Variants in COL14A1 observed in about 807,000 individuals in gnomAD.
COL14A1 encodes the protein collagen alpha-1(XIV) chain.
In COL14A1, 136 loss-of-function variants were observed where a neutral mutation model predicts 230.3. That is an observed-to-expected ratio of 0.59 (90% CI 0.51 to 0.68). COL14A1 has a LOEUF of 0.68. Ranked by LOEUF, COL14A1 falls within the 30% of genes least tolerant of loss-of-function variation. The pLI is 0.00. For missense variants in COL14A1, 1,976 were observed against 2,215.8 expected (o/e 0.89, Z 2.17); for synonymous variants, 792 against 784.1 (o/e 1.01, Z -0.17).
chr8:120,199,340 G>A, intron 7 of COL14A1, 62 bp from the exon 8 acceptor site: 1 of 1,433,026 alleles, frequency 7.0e-7, no homozygotes, highest in Non-Finnish European at 9.2e-7. Context: ...GTTATATCTT[G>A]AAGAATTAGG....
intron 27 of COL14A1, 97 bp downstream of exon 27, chr8:120,278,331 AT>A (rs879087891): frequency 2.4e-4 from 360 of 1,477,626 alleles, no homozygotes; most frequent in Admixed American, 2.3e-3. Flanking sequence ...TTTTTTAAAG[AT>A]TTTTTTTTTC....
At chr8:120,279,292 G>T (rs1465747954) in intron 28 of COL14A1, among the ~76,000 whole-genome samples, 3 of 151,848 alleles carry the variant, frequency 2.0e-5, no homozygotes, top group Non-Finnish European at 4.4e-5. Context: ...TTCAGCACGT[G>T]TATCCCAGAA....
At chr8:120,172,902 A>C (rs188334748) in intron 5 of COL14A1, among the ~76,000 whole-genome samples, 3 of 152,248 alleles carry the variant, frequency 2.0e-5, no homozygotes, top group Non-Finnish European at 4.4e-5. Context: ...TTGATTGATA[A>C]ATTTCTGGTT....
At chr8:120,240,587 A>T (rs1818581121) in intron 19 of COL14A1, among the ~76,000 whole-genome samples, 1 of 152,208 alleles carries the variant, frequency 6.6e-6, no homozygotes, top group African/African-American at 2.4e-5. Flanking sequence ...ATGTGTCAAG[A>T]TAAGAGGAAT....
chr8:120,354,429 C>G (rs1425922926), intron 45 of COL14A1, among the ~76,000 whole-genome samples: 2 of 147,714 alleles, frequency 1.4e-5, no homozygotes, highest in Non-Finnish European at 3.0e-5. Flanking sequence ...TATCCCCATA[C>G]AATGTCTTTG....
chr8:120,225,373 A>G (rs1818063245), intron 15 of COL14A1, among the ~76,000 whole-genome samples, 159 bp downstream of exon 15: 1 of 152,166 alleles, frequency 6.6e-6, no homozygotes. Flanking sequence ...GATGACTATT[A>G]TGTGTAGTGG....
At chr8:120,146,737 G>A (rs73704243) in intron 1 of COL14A1, among the ~76,000 whole-genome samples, 1,730 of 152,014 alleles carry the variant, frequency 0.011, 28 homozygotes, top group African/African-American at 0.037. Flanking sequence ...ATTTGGCACC[G>A]TTATCTGATC....
At chr8:120,251,443 A>G (rs1258765808) in intron 22 of COL14A1, among the ~76,000 whole-genome samples, 2 of 152,190 alleles carry the variant, frequency 1.3e-5, no homozygotes, top group Admixed American at 6.5e-5. Flanking sequence ...TATGCCATCC[A>G]TCAAAAGTAC....
In COL14A1 at chr8:120,332,552, G is replaced by A. The variant is rs541179169; in HGVS notation, c.4714-112G>A. ...AACAGGAATGAGGTCCTGGTGATGAGGGGGAGGGAAGCTATCATGGTGTGT... is the reference window on the plus strand; with the variant it reads ...AACAGGAATGAGGTCCTGGTGATGAAGGGGAGGGAAGCTATCATGGTGTGT... On this transcript the variant is annotated intron_variant, in intron 41 of 47. Coordinates refer to ENST00000297848, the MANE Select transcript of COL14A1 (RefSeq NM_021110.4). 1.3e-5 allele frequency: 11 copies of A among 870,644 alleles called. No homozygotes were observed. The East Asian group carries it at 2.1e-4, about 17-fold the overall frequency. 53.9% of individuals were successfully genotyped at this position (870,644 alleles called of 1,614,324 possible). A position where few individuals can be genotyped will look rare whatever the true frequency, so the allele number is the denominator to read the frequency against.
intron 23 of COL14A1, among the ~76,000 whole-genome samples, chr8:120,256,324 A>T (rs188950119): frequency 6.6e-6 from 1 of 152,230 alleles, no homozygotes; most frequent in Admixed American, 6.5e-5. Context: ...GACTATAGCT[A>T]TATTCAAAAT....
At chr8:120,138,616 T>G (rs1814788520) in intron 1 of COL14A1, among the ~76,000 whole-genome samples, 1 of 152,090 alleles carries the variant, frequency 6.6e-6, no homozygotes, top group African/African-American at 2.4e-5. Flanking sequence ...TAATTTAGAG[T>G]TTTTTCCTCC....
chr8:120,240,802 T>C (rs1818587350), intron 19 of COL14A1, among the ~76,000 whole-genome samples: 1 of 152,218 alleles, frequency 6.6e-6, no homozygotes, highest in African/African-American at 2.4e-5. Context: ...TTCTATACTT[T>C]CTAGATATAA....
At chr8:120,236,006 A>G (rs1818432247) in intron 19 of COL14A1, among the ~76,000 whole-genome samples, 1 of 152,068 alleles carries the variant, frequency 6.6e-6, no homozygotes. Context: ...GCATTCTTTT[A>G]CATTTGCTGA....
chr8:120,322,887 G>C (rs962258340), intron 40 of COL14A1, among the ~76,000 whole-genome samples: 1 of 152,176 alleles, frequency 6.6e-6, no homozygotes, highest in Non-Finnish European at 1.5e-5. Context: ...CTTTATAATA[G>C]AACAGTTTAT....
At chr8:120,261,651 ATGG>A (rs1277923902) in intron 23 of COL14A1, among the ~76,000 whole-genome samples, 4 of 152,172 alleles carry the variant, frequency 2.6e-5, no homozygotes, top group African/African-American at 9.6e-5. Flanking sequence ...TGCCTCTGTC[ATGG>A]TGGAGAAAAA....
Position 120,369,345 on chromosome 8 carries a change from G to A in COL14A1, c.5171G>A (p.Ser1724Asn). 2 of 1,589,936 alleles carry A rather than the reference G, an allele frequency of 1.3e-6. No homozygotes were observed. The highest frequency in any genetic ancestry group is 1.1e-5 in the South Asian group (1 of 87,230). The change falls in exon 47 of 48, where the codon AGT becomes AAT. Residue 1724 changes from serine to asparagine, a missense_variant. Around this residue, in one of 3 missense-constraint regions of COL14A1, gnomAD observed 1,791 missense variants for 2,019.5 expected, o/e 0.89. Transcript: ENST00000297848. ...PPGPAGPSGE[S>N]RPGSPGPPGS... is the part of the protein sequence containing the mutation. ...TACTTCTTAGGACCTTCAGGGGAGA[G>A]TCGGCCTGGCAGCCCTGGGCCCCCT... is the stretch of plus-strand genomic sequence containing the variant.
At position 120,207,074 on chromosome 8, in the gene COL14A1, A is replaced by C; in HGVS notation, c.1171A>C (p.Arg391=). The C allele has an allele frequency of 6.2e-7, 1 of 1,612,044 alleles. No individual in the cohort carries two copies. Among genetic ancestry groups the C allele is most frequent in the Non-Finnish European group, 8.5e-7 (1 of 1,179,430 alleles). ...ATACAGAGTTGTGTATTATCCTACC[A>C]GGGGTGGAAAACCAGACGAGGTAAT... is the stretch of plus-strand genomic sequence containing the variant. ...EKYRVVYYPT[R]GGKPDEVVVD... Residue 391 remains arginine, a synonymous_variant, in exon 10 of 48, where the codon AGG becomes CGG. Transcript: ENST00000297848.
intron 40 of COL14A1, among the ~76,000 whole-genome samples, chr8:120,326,620 T>C (rs1204875515): frequency 6.6e-6 from 1 of 152,216 alleles, no homozygotes; most frequent in Non-Finnish European, 1.5e-5. Flanking sequence ...AAAATGGCTT[T>C]GTGTTTTTGA....
At chr8:120,199,590 T>G in intron 8 of COL14A1, 24 bp downstream of exon 8, 1 of 1,600,162 alleles carries the variant, frequency 6.2e-7, no homozygotes. Context: ...ATAGTCTTGT[T>G]TCAACTAAGG....
Sources: allele counts gnomAD v4.1 joint callset (sites outside exome capture counted in the v4.1 genomes callset), GRCh38; gene constraint gnomAD v4.1.1; regional missense constraint gnomAD v4.1.1; transcripts MANE v1.5; gene names NCBI Gene and HGNC (gene_info 2026-07-23, HGNC 2026-07-21).